ADAD1: variants seen among roughly 807,000 people sequenced by gnomAD.
The protein encoded by ADAD1 is adenosine deaminase domain-containing protein 1.
In ADAD1, 46 loss-of-function variants were observed where a neutral mutation model predicts 66.8. The ratio of observed to expected loss-of-function variants is 0.69; its 90% CI spans 0.54 to 0.88. ADAD1 has a LOEUF of 0.88. Ranked by LOEUF, ADAD1 falls within the 40% of genes least tolerant of loss-of-function variation. The pLI, the probability that ADAD1 is intolerant of heterozygous loss-of-function variation, is 0.00. For synonymous variants in ADAD1, 248 were observed against 229.4 expected (o/e 1.08, Z -0.73); for missense variants, 617 against 681.8 (o/e 0.91, Z 1.06).
chr4:122,390,816 T>C (rs780756318), intron 5 of ADAD1, among the ~76,000 whole-genome samples: 25 of 152,228 alleles, frequency 1.6e-4, no homozygotes, highest in Non-Finnish European at 3.4e-4. Context: ...CTCCTTTAGC[T>C]CAGCGAAGTT....
Position 122,395,883 on chromosome 4 carries a change from A to G in ADAD1, c.599-369A>G, listed in dbSNP as rs553104137. Among the ~76,000 whole-genome samples, 8 of 152,298 alleles carry G rather than the reference A, an allele frequency of 5.3e-5. No individual in the cohort carries two copies. In the East Asian group the frequency reaches 1.5e-3, roughly 29 times the overall value. Reference sequence around the variant, plus strand: ...TAAGAGAATGTATTTTGGTTGTCACAATGATTAGGGCATTCAGTGGGGTGC... The same window carrying G: ...TAAGAGAATGTATTTTGGTTGTCACGATGATTAGGGCATTCAGTGGGGTGC... On this transcript the variant is annotated intron_variant, in intron 6 of 12. Transcript: ENST00000296513.
intron 7 of ADAD1, among the ~76,000 whole-genome samples, chr4:122,403,907 G>A (rs1250512783): frequency 6.6e-6 from 1 of 152,066 alleles, no homozygotes; most frequent in African/African-American, 2.4e-5. Context: ...GTTTTAGGGG[G>A]ATTATGGCTG....
Position 122,415,497 on chromosome 4 carries a change from A to G in ADAD1, c.1368A>G (p.Leu456=). The stretch of plus-strand genomic sequence containing the variant: ...TAGTCAACAGACCTCATATTAGTTT[A>G]GTACCCTCTGCATATCCCCTTCAAA... ...FYLVNRPHIS[L]VPSAYPLQMN... The change falls in exon 11 of 13, where the codon TTA becomes TTG. Residue 456 remains leucine (L), a synonymous_variant. Transcript: ENST00000296513. The G allele has an allele frequency of 6.2e-7, 1 of 1,613,980 alleles. No homozygotes were observed. The highest frequency in any genetic ancestry group is 8.5e-7 in the Non-Finnish European group (1 of 1,179,882).
chr4:122,420,392 C>T (rs1013643574), intron 11 of ADAD1, among the ~76,000 whole-genome samples: 10 of 152,142 alleles, frequency 6.6e-5, no homozygotes, highest in African/African-American at 2.4e-4. Flanking sequence ...GTTCACTTAC[C>T]CTCTAATAGG....
At chr4:122,411,452 C>A (rs928048111) in intron 9 of ADAD1, 60 bp downstream of exon 9, 2 of 1,455,416 alleles carry the variant, frequency 1.4e-6, no homozygotes, top group Admixed American at 4.2e-5. Context: ...TACATTCTGA[C>A]TTTCTACAGC....
At chr4:122,396,801 G>A (rs1156553921) in intron 7 of ADAD1, among the ~76,000 whole-genome samples, 1 of 152,118 alleles carries the variant, frequency 6.6e-6, no homozygotes, top group African/African-American at 2.4e-5. Flanking sequence ...AAAACCATTT[G>A]AGTCTTACAT....
chr4:122,427,931 G>A (rs1580820704), intron 12 of ADAD1, among the ~76,000 whole-genome samples: 1 of 152,142 alleles, frequency 6.6e-6, no homozygotes, highest in South Asian at 2.1e-4. Flanking sequence ...TTAAGACAAT[G>A]TATTGATGTA....
intron 6 of ADAD1, among the ~76,000 whole-genome samples, chr4:122,394,280 A>G (rs895253152): frequency 2.0e-5 from 3 of 152,170 alleles, no homozygotes; most frequent in Non-Finnish European, 4.4e-5. Context: ...ATCATATTTC[A>G]CATTGTATGG....
At chr4:122,382,741 A>T (rs1207447483) in intron 4 of ADAD1, among the ~76,000 whole-genome samples, 1 of 152,198 alleles carries the variant, frequency 6.6e-6, no homozygotes, top group Non-Finnish European at 1.5e-5. Flanking sequence ...ATACATAAGA[A>T]TCATCTGGGC....
chr4:122,420,340 C>T (rs1796944622), intron 11 of ADAD1, among the ~76,000 whole-genome samples: 1 of 152,222 alleles, frequency 6.6e-6, no homozygotes, highest in Non-Finnish European at 1.5e-5. Flanking sequence ...CTGGGGTCAA[C>T]TGTTGGTCAA....
intron 10 of ADAD1, among the ~76,000 whole-genome samples, chr4:122,414,902 T>C (rs1450154187): frequency 6.6e-6 from 1 of 152,156 alleles, no homozygotes; most frequent in East Asian, 1.9e-4. Flanking sequence ...TTCTTTAAAT[T>C]ATTTTGCAGT....
intron 7 of ADAD1, among the ~76,000 whole-genome samples, chr4:122,404,204 C>T (rs1228035470): frequency 6.6e-6 from 1 of 152,142 alleles, no homozygotes; most frequent in Non-Finnish European, 1.5e-5. Flanking sequence ...GGATTCTGCT[C>T]AGGAAAATTT....
At chr4:122,394,115 C>A (rs1383046) in intron 6 of ADAD1, among the ~76,000 whole-genome samples, 4 of 151,818 alleles carry the variant, frequency 2.6e-5, no homozygotes, top group Non-Finnish European at 5.9e-5. Flanking sequence ...CTCTGTGTAC[C>A]TTTTTTACTC....
At chr4:122,396,452 C>G in intron 7 of ADAD1, 75 bp downstream of exon 7, 1 of 1,273,636 alleles carries the variant, frequency 7.9e-7, no homozygotes, top group African/African-American at 1.5e-5. Context: ...ATCTTTGCCC[C>G]TGTACACAAT....
At chr4:122,418,704 A>T (rs1157973127) in intron 11 of ADAD1, among the ~76,000 whole-genome samples, 1 of 152,164 alleles carries the variant, frequency 6.6e-6, no homozygotes, top group African/African-American at 2.4e-5. Context: ...GTTTTTTTCT[A>T]AACCTTTAAA....
intron 11 of ADAD1, among the ~76,000 whole-genome samples, chr4:122,419,131 A>G (rs943946598): frequency 5.3e-5 from 8 of 152,242 alleles, no homozygotes; most frequent in African/African-American, 1.4e-4. Flanking sequence ...ATCATTCCAA[A>G]TGTCCATCAA....
At chr4:122,421,450 A>AT in intron 12 of ADAD1, 60 bp downstream of exon 12, 1 of 1,360,366 alleles carries the variant, frequency 7.4e-7, no homozygotes, top group Middle Eastern at 2.2e-4. Context: ...TAATGTGGTC[A>AT]TTTTAAAATG....
At chr4:122,403,119 G>A (rs1168822146) in intron 7 of ADAD1, among the ~76,000 whole-genome samples, 2 of 152,118 alleles carry the variant, frequency 1.3e-5, no homozygotes, top group South Asian at 2.1e-4. Context: ...TGGGGAGACT[G>A]TTTCAGTGGA....
Position 122,379,658 on chromosome 4 carries a change from A to G in ADAD1, c.-9+213A>G, listed in dbSNP as rs139906793. ...CGCAGCAGCAGCTGCCCGTCTTCCC[A>G]CATAGAGGGCAGGAAGGACAACTTT... On this transcript the variant is annotated intron_variant, in intron 2 of 12. Transcript: ENST00000296513. The G allele has an allele frequency of 9.4e-3, 1,474 of 156,026 alleles. 23 individuals are homozygous for G. Among genetic ancestry groups the G allele is most frequent in the African/African-American group, 0.033 (1,366 of 41,610 alleles). 9.7% of individuals were successfully genotyped at this position (156,026 alleles called of 1,614,324 possible).
Sources: allele counts gnomAD v4.1 joint callset (sites outside exome capture counted in the v4.1 genomes callset), GRCh38; gene constraint gnomAD v4.1.1; transcripts MANE v1.5; gene names NCBI Gene and HGNC (gene_info 2026-07-23, HGNC 2026-07-21).